SAP130: variants seen among roughly 807,000 people sequenced by gnomAD.
SAP130 encodes histone deacetylase complex subunit SAP130.
In SAP130, 16 loss-of-function variants were observed where a neutral mutation model predicts 103.2. That is an observed-to-expected ratio of 0.16 (90% CI 0.10 to 0.24). SAP130 has a LOEUF of 0.24. Ranked by LOEUF, SAP130 falls within the 10% of genes least tolerant of loss-of-function variation. The probability of loss-of-function intolerance (pLI) is 1.00; values close to 1 mark genes in which losing one functional copy is unlikely to be tolerated. For synonymous variants in SAP130, 477 were observed against 497.0 expected (o/e 0.96, Z 0.53); for missense variants, 990 against 1,359.7 (o/e 0.73, Z 4.28).
At position 128,027,967 on chromosome 2, in the gene SAP130, G is replaced by A. The variant is rs1685642385; in HGVS notation, c.-34C>T. On this transcript the variant is annotated 5_prime_UTR_variant, in exon 1 of 21. Coordinates refer to ENST00000643581, the MANE Select transcript of SAP130 (RefSeq NM_001330301.2). ...GGGTGCTGCGCCCAGTGGCCGCCGCGCCGCCTTGAGCTCGCTCCCGCGCGC... is the reference window on the plus strand; with the variant it reads ...GGGTGCTGCGCCCAGTGGCCGCCGCACCGCCTTGAGCTCGCTCCCGCGCGC... The A allele has an allele frequency of 1.0e-6, 1 of 985,364 alleles. No individual in the cohort carries two copies. Among genetic ancestry groups the A allele is most frequent in the Non-Finnish European group, 1.2e-6 (1 of 829,994 alleles). The allele number at this position is 985,364 out of a possible 1,614,324, so 61.0% of individuals were successfully genotyped here. A position where few individuals can be genotyped will look rare whatever the true frequency, so the allele number is the denominator to read the frequency against.
In SAP130 at chr2:128,025,518, A is replaced by AG. The variant is rs538789572; in HGVS notation, c.112+662dup. On this transcript the variant is annotated intron_variant, in intron 2 of 20. Coordinates refer to ENST00000643581, the MANE Select transcript of SAP130 (RefSeq NM_001330301.2). ...AACCAACTTTGGATGTTAAATATTC[A>AG]GGGGGGGAAAAAAACCCTGCTTGCA... 6.6e-5 allele frequency among the ~76,000 whole-genome samples: 10 copies of AG among 152,254 alleles called. No individual in the cohort carries two copies. The East Asian group carries it at 7.7e-4, about 12-fold the overall frequency.
intron 15 of SAP130, among the ~76,000 whole-genome samples, chr2:127,968,126 T>C (rs867691127): frequency 6.6e-6 from 1 of 151,728 alleles, no homozygotes; most frequent in South Asian, 2.1e-4. Flanking sequence ...TTTTTTTTTT[T>C]AGGCAGAGTT....
chr2:127,978,267 C>CT (rs1466293521), intron 14 of SAP130, among the ~76,000 whole-genome samples, 178 bp from the exon 15 acceptor site: 1 of 151,912 alleles, frequency 6.6e-6, no homozygotes, highest in Non-Finnish European at 1.5e-5. Context: ...CCAAAAAACT[C>CT]AAATAGTACA....
rs369604293 is a variant in SAP130, at chr2:127,977,217, T to C, written c.2063+768A>G. On this transcript the variant is annotated intron_variant, in intron 15 of 20. Transcript: ENST00000643581. Reference sequence around the variant, plus strand: ...ACAAATACTGTCATAAGGCCCGGCATGGTGGTTCATGCATATAATCCCAGC... The same window carrying C: ...ACAAATACTGTCATAAGGCCCGGCACGGTGGTTCATGCATATAATCCCAGC... 4.0e-4 allele frequency among the ~76,000 whole-genome samples: 60 copies of C among 151,724 alleles called. 1 individual carries two copies. Among genetic ancestry groups the C allele is most frequent in the African/African-American group, 1.4e-3 (58 of 41,354 alleles).
chr2:127,998,738 A>C (rs1374168516), intron 10 of SAP130, among the ~76,000 whole-genome samples: 1 of 152,216 alleles, frequency 6.6e-6, no homozygotes, highest in African/African-American at 2.4e-5. Flanking sequence ...ATCTCTAAAA[A>C]ATTCTTCATG....
chr2:127,982,141 CACAG>C (rs1681987149), intron 14 of SAP130, among the ~76,000 whole-genome samples: 1 of 150,608 alleles, frequency 6.6e-6, no homozygotes, highest in Non-Finnish European at 1.5e-5. Context: ...ACACAGCAAA[CACAG>C]ACAATTTCTT....
intron 15 of SAP130, among the ~76,000 whole-genome samples, chr2:127,972,042 T>G (rs1318232503): frequency 6.6e-6 from 1 of 152,232 alleles, no homozygotes; most frequent in Non-Finnish European, 1.5e-5. Context: ...TTCCAGCTAG[T>G]TATTTCTTCA....
intron 15 of SAP130, among the ~76,000 whole-genome samples, chr2:127,970,240 A>AT (rs1484737320): frequency 1.5e-5 from 2 of 137,092 alleles, no homozygotes; most frequent in African/African-American, 5.5e-5. Context: ...AAAAAAAAAA[A>AT]TTTTAAATTA....
intron 7 of SAP130, among the ~76,000 whole-genome samples, chr2:128,006,752 C>G (rs1279655989): frequency 6.6e-6 from 1 of 152,240 alleles, no homozygotes; most frequent in Non-Finnish European, 1.5e-5. Context: ...TGTTCTCCAA[C>G]CTGGCTGGCG....
chr2:127,945,844 G>A (rs1378495426), intron 18 of SAP130, among the ~76,000 whole-genome samples: 1 of 152,080 alleles, frequency 6.6e-6, no homozygotes, highest in African/African-American at 2.4e-5. Context: ...GTAGAGATGA[G>A]GTCTTGCTAT....
At position 128,017,629 on chromosome 2, in the gene SAP130, T is replaced by C. The variant is rs375949937; in HGVS notation, c.348+51A>G. On this transcript the variant is annotated intron_variant, in intron 3 of 20. Transcript: ENST00000643581. Reference sequence around the variant, plus strand: ...ATTTTATACAAATTGTTACAAACATTAGCCAGTCTCGAGCTCTGGTTCAGT... The same window carrying C: ...ATTTTATACAAATTGTTACAAACATCAGCCAGTCTCGAGCTCTGGTTCAGT... 755 of 1,444,338 alleles carry C rather than the reference T, an allele frequency of 5.2e-4. 6 individuals are homozygous for C. The South Asian group carries it at 6.5e-3, about 12-fold the overall frequency. 89.5% of individuals were successfully genotyped at this position (1,444,338 alleles called of 1,614,324 possible). A position where few individuals can be genotyped will look rare whatever the true frequency, so the allele number is the denominator to read the frequency against.
chr2:127,970,467 G>C (rs537194492), intron 15 of SAP130, among the ~76,000 whole-genome samples: 3 of 148,586 alleles, frequency 2.0e-5, no homozygotes, highest in Non-Finnish European at 4.4e-5. Context: ...CTTGAACCAG[G>C]GTGTTGGAGG....
intron 2 of SAP130, among the ~76,000 whole-genome samples, chr2:128,020,769 C>T (rs778784999): frequency 6.6e-6 from 1 of 151,982 alleles, no homozygotes; most frequent in African/African-American, 2.4e-5. Context: ...GAGGCTGAGG[C>T]AGGTGGATCA....
chr2:127,950,042 C>A lies in SAP130; in HGVS notation c.2672-48G>T, dbSNP rs1374446080. On this transcript the variant is annotated intron_variant, in intron 17 of 20. Transcript: ENST00000643581. ...CAACTTAGTAACACTGTCAACAATC[C>A]TCAAAGTTCATTTCCAGTAAGTGAG... The A allele has an allele frequency of 3.1e-6, 5 of 1,610,332 alleles. No homozygotes were observed. The African/African-American group carries it at 5.3e-5, about 17-fold the overall frequency.
At chr2:128,025,017 A>AT (rs1169245275) in intron 2 of SAP130, among the ~76,000 whole-genome samples, 1 of 151,550 alleles carries the variant, frequency 6.6e-6, no homozygotes, top group East Asian at 1.9e-4. Context: ...AAAAAAAAAA[A>AT]AAAAGCCTCA....
chr2:128,027,523 G>T (rs947528854), intron 1 of SAP130, among the ~76,000 whole-genome samples: 121 of 152,136 alleles, frequency 8.0e-4, no homozygotes, highest in African/African-American at 2.9e-3. Flanking sequence ...GCGGGGAGCG[G>T]GGAGGCCCCG....
Position 128,016,545 on chromosome 2 carries a change from C to T in SAP130, c.351G>A (p.Pro117=), listed in dbSNP as rs73955792. 8.4e-4 allele frequency: 1,356 copies of T among 1,608,302 alleles called. 13 individuals carry two copies. The African/African-American group carries it at 0.015, about 18-fold the overall frequency. ...PLSFSEGLMK[P]PPKPTMPSRP... ...GGCTAGGCATGGTGGGCTTCGGGGG[C>T]GGCTGCAAACAGAAAACCACACAAA... Residue 117 remains proline (P), a splice_region_variant and synonymous_variant, in exon 4 of 21, where the codon CCG becomes CCA. Transcript: ENST00000643581.
At chr2:128,007,372 C>T (rs533864302) in intron 7 of SAP130, among the ~76,000 whole-genome samples, 2 of 152,302 alleles carry the variant, frequency 1.3e-5, no homozygotes, top group South Asian at 4.1e-4. Context: ...GTAGGTTATA[C>T]GCAAATACTA....
At chr2:127,948,328 G>GTTTTTTT (rs71307269) in intron 18 of SAP130, among the ~76,000 whole-genome samples, 14 of 101,546 alleles carry the variant, frequency 1.4e-4, no homozygotes, top group Non-Finnish European at 1.6e-4. Flanking sequence ...TTTCCTGTGA[G>GTTTTTTT]TTTTTTTTTT....
Sources: allele counts gnomAD v4.1 joint callset (sites outside exome capture counted in the v4.1 genomes callset), GRCh38; gene constraint gnomAD v4.1.1; transcripts MANE v1.5; gene names NCBI Gene and HGNC (gene_info 2026-07-23, HGNC 2026-07-21).